The following EPRS1 variants were observed in gnomAD, a reference collection of about 807,000 sequenced individuals.
EPRS1 encodes glutamyl-prolyl-tRNA synthetase 1, also known as bifunctional glutamate/proline--tRNA ligase.
In EPRS1, 107 loss-of-function variants were observed where a neutral mutation model predicts 188.3. That is an observed-to-expected ratio of 0.57 (90% confidence interval 0.49 to 0.67). EPRS1 has a LOEUF of 0.67. Among genes scored for constraint, EPRS1 ranks in the 30% least tolerant of loss-of-function variants. EPRS1 has a pLI of 0.00. For synonymous variants in EPRS1, 596 were observed against 593.1 expected, an observed-to-expected ratio of 1.00 and a Z score of -0.07; for missense variants, 1,577 against 1,802.2, an observed-to-expected ratio of 0.88 and a Z score of 2.26.
At chr1:219,988,932 C>T (rs1186572206) in intron 18 of EPRS1, 109 bp from the exon 19 acceptor site, 3 of 644,944 alleles carry the variant, frequency 4.7e-6, no homozygotes, top group Non-Finnish European at 7.9e-6. Flanking sequence ...ATAAGTTAAT[C>T]ATGGGGAAAC....
chr1:220,014,877 TAAAC>T (rs1157353782), intron 12 of EPRS1, among the ~76,000 whole-genome samples: 3 of 151,966 alleles, frequency 2.0e-5, no homozygotes, highest in African/African-American at 7.3e-5. Context: ...GAAACCAAAA[TAAAC>T]AAATTGGGGA....
chr1:220,006,909 T>C (rs1195113525), intron 14 of EPRS1, among the ~76,000 whole-genome samples: 1 of 152,228 alleles, frequency 6.6e-6, no homozygotes, highest in East Asian at 1.9e-4. Context: ...CATGCAACTG[T>C]ATAGAGTCCC....
At chr1:219,998,753 G>A (rs1457302926) in intron 17 of EPRS1, among the ~76,000 whole-genome samples, 1 of 151,858 alleles carries the variant, frequency 6.6e-6, no homozygotes, top group Non-Finnish European at 1.5e-5. Context: ...ATGTTGGCCA[G>A]GATGGTCTCA....
At position 219,978,969 on chromosome 1, in the gene EPRS1, T is replaced by TC. The variant is rs1343738347; in HGVS notation, c.3910-251_3910-250insG. ...GTGTATATATATATATATATATTTT[T>TC]TTTTCCCCCCCAGCCTCCCAAGTAG... is the stretch of plus-strand genomic sequence containing the variant. On this transcript the variant is annotated intron_variant, in intron 27 of 31. Coordinates refer to ENST00000366923, the MANE Select transcript of EPRS1 (RefSeq NM_004446.3). 8.4e-4 allele frequency among the ~76,000 whole-genome samples: 47 copies of TC among 55,746 alleles called. No individual in the cohort carries two copies. In the South Asian group the frequency reaches 0.016, roughly 19 times the overall value. The allele number at this position is 55,746 out of a possible 152,430, so 36.6% of individuals were successfully genotyped here.
chr1:220,001,017 G>A, intron 17 of EPRS1, 121 bp downstream of exon 17: 2 of 697,034 alleles, frequency 2.9e-6, no homozygotes, highest in Non-Finnish European at 5.2e-6. Flanking sequence ...CAAAGAGCAA[G>A]ACTTAACTGT....
At chr1:219,989,236 G>GA (rs1259900772) in intron 18 of EPRS1, among the ~76,000 whole-genome samples, 2 of 151,822 alleles carry the variant, frequency 1.3e-5, no homozygotes, top group South Asian at 4.2e-4. Flanking sequence ...CAACTTTGGG[G>GA]AAAAAAAGGA....
intron 16 of EPRS1, among the ~76,000 whole-genome samples, chr1:220,004,540 G>A (rs963472189): frequency 6.6e-6 from 1 of 152,110 alleles, no homozygotes; most frequent in African/African-American, 2.4e-5. Flanking sequence ...GACCAGATGG[G>A]CAACACAAAC....
At chr1:219,993,975 T>A (rs1661174500) in intron 18 of EPRS1, among the ~76,000 whole-genome samples, 1 of 152,218 alleles carries the variant, frequency 6.6e-6, no homozygotes, top group African/African-American at 2.4e-5. Context: ...ATGCGTTCCA[T>A]TCCTAGTAAC....
At chr1:220,043,663 C>G (rs767968611) in intron 1 of EPRS1, among the ~76,000 whole-genome samples, 23 of 152,120 alleles carry the variant, frequency 1.5e-4, no homozygotes, top group Non-Finnish European at 2.9e-4. Flanking sequence ...CAATGAAGAA[C>G]AAGGAATAAC....
chr1:219,987,521 G>T, intron 19 of EPRS1, 117 bp from the exon 20 acceptor site: 2 of 833,068 alleles, frequency 2.4e-6, no homozygotes, highest in South Asian at 1.9e-5. Context: ...TATCACACGG[G>T]GAATGTGCCC....
At chr1:220,026,332 G>A (rs1395812895) in intron 6 of EPRS1, among the ~76,000 whole-genome samples, 1 of 152,122 alleles carries the variant, frequency 6.6e-6, no homozygotes, top group Non-Finnish European at 1.5e-5. Flanking sequence ...CAGAGACACT[G>A]TTGATAATAT....
chr1:220,031,969 A>G (rs1474371208), intron 5 of EPRS1, among the ~76,000 whole-genome samples: 1 of 152,238 alleles, frequency 6.6e-6, no homozygotes, highest in East Asian at 1.9e-4. Flanking sequence ...AGACTTAAAA[A>G]TGTCAGATTC....
rs754255616 is a variant in EPRS1 at position 220,007,239 on chromosome 1, T to C, written c.1705A>G (p.Ile569Val). ...TFSEGEMVTF[I>V]NWGNLNITKI... ...GTAATGTTGAGGTTGCCCCAATTTA[T>C]AAATGTAACCATCTCACCCTCCGAA... is the stretch of plus-strand genomic sequence containing the variant. The change falls in exon 14 of 32, where the codon ATA becomes GTA. Residue 569 changes from isoleucine (I) to valine (V), a missense_variant. Ile to Val is a conservative substitution (Grantham distance 29). This residue lies in a region of EPRS1 where 1,278 missense variants were observed against 1,457.4 expected (regional missense o/e 0.88). Coordinates refer to ENST00000366923, the MANE Select transcript of EPRS1 (RefSeq NM_004446.3). 1 of 1,613,892 alleles carries C rather than the reference T, an allele frequency of 6.2e-7. No individual in the cohort carries two copies. The highest frequency in any genetic ancestry group is 8.5e-7 in the Non-Finnish European group (1 of 1,179,864).
chr1:219,973,018 G>A (rs560483494), intron 29 of EPRS1, among the ~76,000 whole-genome samples: 17 of 152,180 alleles, frequency 1.1e-4, no homozygotes, highest in Non-Finnish European at 2.5e-4. Flanking sequence ...CCAGGGGACA[G>A]AAACTTCATT....
intron 8 of EPRS1, among the ~76,000 whole-genome samples, chr1:220,023,792 AG>A (rs1436390321): frequency 1.2e-4 from 18 of 152,274 alleles, no homozygotes; most frequent in Non-Finnish European, 2.1e-4. Flanking sequence ...TAAAATAACA[AG>A]AACATAAAGA....
intron 18 of EPRS1, among the ~76,000 whole-genome samples, chr1:219,995,396 A>T (rs1431401585): frequency 6.6e-6 from 1 of 152,236 alleles, no homozygotes; most frequent in Non-Finnish European, 1.5e-5. Flanking sequence ...CTACTTATAC[A>T]ATGAATAAAT....
intron 28 of EPRS1, among the ~76,000 whole-genome samples, chr1:219,975,840 C>G (rs201804378): frequency 6.6e-6 from 1 of 151,778 alleles, no homozygotes. Flanking sequence ...GTACACATAT[C>G]TGTATGTGTG....
intron 17 of EPRS1, among the ~76,000 whole-genome samples, chr1:219,998,918 C>CAAAAAA (rs35145633): frequency 7.9e-6 from 1 of 126,454 alleles, no homozygotes. Flanking sequence ...AGTGTAACAC[C>CAAAAAA]AAAAAAAAAA....
chr1:219,981,589 T>C (rs188399243), intron 23 of EPRS1, 132 bp from the exon 24 acceptor site: 5 of 503,634 alleles, frequency 9.9e-6, no homozygotes, highest in African/African-American at 9.6e-5. Flanking sequence ...AAAATGTATG[T>C]TTGTGTAAAT....
Sources: allele counts gnomAD v4.1 joint callset (sites outside exome capture counted in the v4.1 genomes callset), GRCh38; gene constraint gnomAD v4.1.1; regional missense constraint gnomAD v4.1.1; transcripts MANE v1.5; gene names NCBI Gene and HGNC (gene_info 2026-07-23, HGNC 2026-07-21).